MAP7: variants seen among roughly 807,000 people sequenced by gnomAD.
MAP7 encodes ensconsin.
In MAP7, 52 loss-of-function variants were observed where a neutral mutation model predicts 94.8. The ratio of observed to expected loss-of-function variants is 0.55; its 90% CI spans 0.44 to 0.69. MAP7 has a LOEUF of 0.69. MAP7 is among the 30% of genes least tolerant of loss of function. MAP7 has a pLI of 0.00. For missense variants in MAP7, 940 were observed against 964.6 expected (o/e 0.97, Z 0.34); for synonymous variants, 350 against 357.0 (o/e 0.98, Z 0.22).
chr6:136,430,909 C>T (rs1322688175), intron 1 of MAP7, among the ~76,000 whole-genome samples: 1 of 152,174 alleles, frequency 6.6e-6, no homozygotes, highest in African/African-American at 2.4e-5. Context: ...CCTGCGCCCC[C>T]ACCGCCTATC....
At chr6:136,464,818 T>C (rs1806424627) in intron 1 of MAP7, among the ~76,000 whole-genome samples, 1 of 152,248 alleles carries the variant, frequency 6.6e-6, no homozygotes, top group Non-Finnish European at 1.5e-5. Flanking sequence ...CTGTTCTACG[T>C]GCTTGGGATA....
intron 10 of MAP7, 100 bp downstream of exon 10, chr6:136,365,635 G>T: frequency 7.6e-7 from 1 of 1,308,256 alleles, no homozygotes; most frequent in Non-Finnish European, 1.0e-6. Context: ...AAATTTCCAA[G>T]TCTCCAATAA....
At chr6:136,369,502 G>A (rs1447938740) in intron 8 of MAP7, among the ~76,000 whole-genome samples, 1 of 152,150 alleles carries the variant, frequency 6.6e-6, no homozygotes, top group Non-Finnish European at 1.5e-5. Flanking sequence ...GAGCCTGGGA[G>A]GCAGAGGTTG....
intron 1 of MAP7, among the ~76,000 whole-genome samples, chr6:136,455,438 AAATC>A (rs1018724403): frequency 2.6e-5 from 4 of 152,178 alleles, no homozygotes; most frequent in Non-Finnish European, 4.4e-5. Flanking sequence ...AACAGACAGA[AAATC>A]AATAAGAAAT....
intron 5 of MAP7, among the ~76,000 whole-genome samples, chr6:136,385,868 T>G (rs1779058386): frequency 6.6e-6 from 1 of 152,192 alleles, no homozygotes; most frequent in African/African-American, 2.4e-5. Context: ...TCTCCTGGGC[T>G]CAAGCAATTC....
intron 5 of MAP7, among the ~76,000 whole-genome samples, chr6:136,386,355 A>T (rs1444860079): frequency 1.3e-5 from 2 of 152,202 alleles, no homozygotes; most frequent in East Asian, 3.8e-4. Flanking sequence ...ACAATTTATT[A>T]TAATTCACAA....
chr6:136,346,605 A>G (rs2128512901), intron 16 of MAP7, among the ~76,000 whole-genome samples: 1 of 152,340 alleles, frequency 6.6e-6, no homozygotes, highest in Non-Finnish European at 1.5e-5. Flanking sequence ...TTTGTTATGA[A>G]AATTATCAAA....
At chr6:136,417,485 C>T (rs1004039389) in intron 2 of MAP7, among the ~76,000 whole-genome samples, 3 of 152,236 alleles carry the variant, frequency 2.0e-5, no homozygotes, top group Non-Finnish European at 4.4e-5. Flanking sequence ...TATGTAACAA[C>T]TACTGTTTCT....
intron 1 of MAP7, among the ~76,000 whole-genome samples, chr6:136,434,975 C>T (rs867114448): frequency 6.6e-5 from 10 of 152,208 alleles, no homozygotes; most frequent in African/African-American, 2.4e-4. Flanking sequence ...CCATTTCAAA[C>T]AAGAGAATCC....
At chr6:136,502,545 G>C (rs1238874070) in intron 1 of MAP7, among the ~76,000 whole-genome samples, 1 of 152,194 alleles carries the variant, frequency 6.6e-6, no homozygotes, top group Non-Finnish European at 1.5e-5. Context: ...CAGAGCACCG[G>C]CAGGAAGATG....
At chr6:136,494,716 A>G (rs757059104) in intron 1 of MAP7, among the ~76,000 whole-genome samples, 7 of 152,234 alleles carry the variant, frequency 4.6e-5, no homozygotes, top group African/African-American at 9.6e-5. Flanking sequence ...TTGTATTGAC[A>G]GGATATAGAC....
At chr6:136,535,335 C>A (rs1828793035) in intron 1 of MAP7, among the ~76,000 whole-genome samples, 1 of 152,178 alleles carries the variant, frequency 6.6e-6, no homozygotes, top group East Asian at 1.9e-4. Flanking sequence ...TCAGCAGAAG[C>A]CGAGCAGATG....
chr6:136,540,463 C>G (rs1333293457), intron 1 of MAP7, among the ~76,000 whole-genome samples: 3 of 152,210 alleles, frequency 2.0e-5, no homozygotes, highest in African/African-American at 4.8e-5. Context: ...TTTTGTCTCA[C>G]TGCACATATT....
intron 1 of MAP7, among the ~76,000 whole-genome samples, chr6:136,533,493 G>A (rs1001574968): frequency 6.6e-6 from 1 of 152,214 alleles, no homozygotes; most frequent in Non-Finnish European, 1.5e-5. Context: ...CATCGGACAG[G>A]TGAAGAACAT....
intron 10 of MAP7, among the ~76,000 whole-genome samples, chr6:136,363,706 T>C (rs1160183081): frequency 6.6e-6 from 1 of 152,218 alleles, no homozygotes; most frequent in Non-Finnish European, 1.5e-5. Context: ...CTGGCTAGCC[T>C]GGCAGAGGTG....
Position 136,431,111 on chromosome 6 carries a change from T to C in MAP7, c.68-9312A>G, listed in dbSNP as rs1026675014. The stretch of plus-strand genomic sequence containing the variant: ...TAACATGTAGAATTCAATCCATTTA[T>C]AGTACAACTCGATCCATCATAGTCC... On this transcript the variant is annotated intron_variant, in intron 1 of 17. Coordinates refer to ENST00000354570, the MANE Select transcript of MAP7 (RefSeq NM_003980.6). Among the ~76,000 whole-genome samples, 5 of 152,228 alleles carry C rather than the reference T, an allele frequency of 3.3e-5. 1 individual carries two copies. The highest frequency in any genetic ancestry group is 4.1e-4 in the South Asian group (2 of 4,830).
intron 3 of MAP7, among the ~76,000 whole-genome samples, chr6:136,393,958 G>A (rs1781537762): frequency 6.9e-6 from 1 of 145,746 alleles, no homozygotes; most frequent in African/African-American, 2.5e-5. Flanking sequence ...CTTATGTTCT[G>A]ATATCTCTGC....
intron 10 of MAP7, chr6:136,364,043 T>C (rs892614268): frequency 1.1e-5 from 3 of 263,000 alleles, no homozygotes; most frequent in Non-Finnish European, 7.4e-6. Flanking sequence ...CTCTGAGGAA[T>C]GTAGGGCCAC....
At chr6:136,485,846 G>C (rs1287674123) in intron 1 of MAP7, among the ~76,000 whole-genome samples, 1 of 152,178 alleles carries the variant, frequency 6.6e-6, no homozygotes, top group African/African-American at 2.4e-5. Flanking sequence ...ACAGGCGTGA[G>C]CCACCGCGCC....
Sources: allele counts gnomAD v4.1 joint callset (sites outside exome capture counted in the v4.1 genomes callset), GRCh38; gene constraint gnomAD v4.1.1; transcripts MANE v1.5; gene names NCBI Gene and HGNC (gene_info 2026-07-23, HGNC 2026-07-21).